Variants in ZNF469 observed in about 807,000 individuals in gnomAD.
The protein encoded by ZNF469 is zinc finger protein 469.
ZNF469 carries 1 observed loss-of-function variant against 1.0 expected under a neutral mutation model. The observed-to-expected ratio is 1.00, with a 90% CI of 0.35 to 4.73. ZNF469 has a LOEUF of 4.73. Among genes scored for constraint, ZNF469 ranks in the 30% most tolerant of loss-of-function variants. ZNF469 has a pLI of 0.16. For synonymous variants in ZNF469, 2,703 were observed against 2,363.4 expected (o/e 1.14, Z -4.17); for missense variants, 6,100 against 5,356.3 (o/e 1.14, Z -4.33).
the ZNF469 span, among the ~76,000 whole-genome samples, chr16:88,225,860 A>G: frequency 6.6e-6 from 1 of 152,220 alleles, no homozygotes; most frequent in Non-Finnish European, 1.5e-5. Context: ...TTTGCAAAGT[A>G]CTTAGTCTCG....
the ZNF469 span, among the ~76,000 whole-genome samples, chr16:88,140,825 T>A: frequency 1.4e-4 from 22 of 152,196 alleles, no homozygotes; most frequent in South Asian, 4.2e-3. Flanking sequence ...CCCTGCTACC[T>A]GGGAGGCTGA....
the ZNF469 span, among the ~76,000 whole-genome samples, chr16:88,127,038 G>T: frequency 1.3e-5 from 2 of 152,190 alleles, no homozygotes. Context: ...GGCCAGGCTG[G>T]TCTCGAACTC....
chr16:88,327,355 C>T, the ZNF469 span, among the ~76,000 whole-genome samples: 1 of 152,240 alleles, frequency 6.6e-6, no homozygotes, highest in African/African-American at 2.4e-5. Context: ...GTGCAGCACC[C>T]CTGCCACCTG....
At chr16:88,422,711 GTGGA>G (rs555175801) in intron 1 of ZNF469, among the ~76,000 whole-genome samples, 37 of 147,126 alleles carry the variant, frequency 2.5e-4, no homozygotes, top group Admixed American at 1.0e-3. Flanking sequence ...ACATGAGTGG[GTGGA>G]TGGATGGATG....
the ZNF469 span, among the ~76,000 whole-genome samples, chr16:88,324,225 G>A: frequency 6.6e-6 from 1 of 152,248 alleles, no homozygotes; most frequent in African/African-American, 2.4e-5. Flanking sequence ...GTCAGTTTCG[G>A]ACCGCCAGCC....
the ZNF469 span, among the ~76,000 whole-genome samples, chr16:88,113,944 G>A: frequency 6.6e-6 from 1 of 152,204 alleles, no homozygotes; most frequent in East Asian, 1.9e-4. Context: ...GCTCCTGCCA[G>A]GGCCGCACTG....
the ZNF469 span, among the ~76,000 whole-genome samples, chr16:88,106,205 G>A: frequency 0.086 from 13,135 of 152,222 alleles, 1,009 homozygotes; most frequent in African/African-American, 0.21. Context: ...CTCCACCCGC[G>A]CCCCCACACC....
intron 1 of ZNF469, among the ~76,000 whole-genome samples, chr16:88,387,202 C>T (rs1904359522): frequency 6.6e-6 from 1 of 152,192 alleles, no homozygotes; most frequent in Admixed American, 6.5e-5. Context: ...TCCATTGCAA[C>T]CCCATCCTGC....
chr16:88,109,758 C>T, the ZNF469 span, among the ~76,000 whole-genome samples: 58 of 149,266 alleles, frequency 3.9e-4, no homozygotes, highest in Admixed American at 1.1e-3. Context: ...CACGCTGTCT[C>T]CTCTCCGGGA....
At chr16:88,128,559 GGT>G in the ZNF469 span, among the ~76,000 whole-genome samples, 1 of 152,178 alleles carries the variant, frequency 6.6e-6, no homozygotes, top group Non-Finnish European at 1.5e-5. Context: ...CCTAAGCAAA[GGT>G]GTGGGCACTC....
the ZNF469 span, among the ~76,000 whole-genome samples, chr16:88,245,907 G>T: frequency 4.6e-3 from 700 of 152,360 alleles, 3 homozygotes; most frequent in African/African-American, 0.016. Context: ...AGGGACTGGG[G>T]CTGGAGCAGT....
the ZNF469 span, among the ~76,000 whole-genome samples, chr16:88,246,920 GGAGT>G: frequency 7.4e-4 from 107 of 144,740 alleles, no homozygotes; most frequent in South Asian, 2.5e-3. Flanking sequence ...AATCAGTGAA[GGAGT>G]GAGTGAGTGA....
the ZNF469 span, among the ~76,000 whole-genome samples, chr16:88,376,364 G>A: frequency 3.9e-5 from 6 of 152,254 alleles, no homozygotes; most frequent in East Asian, 1.9e-4. Flanking sequence ...AGCCGGGCCC[G>A]GTGTGAGGGG....
At chr16:88,319,380 G>A in the ZNF469 span, among the ~76,000 whole-genome samples, 4 of 152,278 alleles carry the variant, frequency 2.6e-5, no homozygotes, top group South Asian at 2.1e-4. Context: ...CTTGGGCGGA[G>A]CCACACAGGA....
In ZNF469 at chr16:88,433,014, G is replaced by A. The variant is rs1271690378; in HGVS notation, c.5544G>A (p.Gly1848=). The A allele has an allele frequency of 6.4e-7, 1 of 1,550,396 alleles. No homozygotes were observed. The highest frequency in any genetic ancestry group is 1.2e-5 in the South Asian group (1 of 84,068). ...GTGGGCACCTCCACCCCACGGCAGG[G>A]AGGCCTGGCTTTGAGGGTAATGAGT... The part of the protein sequence containing the change: ...RAGGHLHPTA[G]RPGFEGNEFA... Residue 1848 remains glycine (G), a synonymous_variant, in exon 3 of 3, where the codon GGG becomes GGA. Transcript: ENST00000565624.
At chr16:88,257,115 A>ATTT in the ZNF469 span, among the ~76,000 whole-genome samples, 2 of 117,056 alleles carry the variant, frequency 1.7e-5, no homozygotes, top group South Asian at 5.8e-4. Flanking sequence ...TACCCCACTA[A>ATTT]TTTTTTTTTT....
chr16:88,349,899 T>TA, the ZNF469 span, among the ~76,000 whole-genome samples: 1 of 9,552 alleles, frequency 1.0e-4, no homozygotes, highest in Non-Finnish European at 2.9e-4. Flanking sequence ...TGCACACACA[T>TA]CACACACAAT....
chr16:88,438,011 A>C lies in ZNF469; in HGVS notation c.10541A>C (p.Glu3514Ala), dbSNP rs1458177059. 6.5e-7 allele frequency: 1 copy of C among 1,549,630 alleles called. No individual in the cohort carries two copies. The highest frequency in any genetic ancestry group is 1.2e-5 in the South Asian group (1 of 84,062). The change falls in exon 3 of 3, where the codon GAG becomes GCG. Residue 3514 changes from glutamate to alanine, a missense_variant. Physicochemically the swap from Glu to Ala is moderately radical, Grantham distance 107. Transcript: ENST00000565624. ...SLPALLHLCS[E>A]VAPSTTKGWP... ...CCGGCCCTGCTCCACCTGTGTTCGG[A>C]GGTGGCTCCCAGCACCACCAAGGGA...
At chr16:88,127,024 T>C in the ZNF469 span, among the ~76,000 whole-genome samples, 1 of 152,226 alleles carries the variant, frequency 6.6e-6, no homozygotes, top group Non-Finnish European at 1.5e-5. Flanking sequence ...TCATTCACCA[T>C]GTTGGCCAGG....
Sources: gnomAD v4.1 joint callset for allele counts (sites outside exome capture counted in the v4.1 genomes callset) on GRCh38, gnomAD v4.1.1 for gene constraint, MANE v1.5 for transcripts, NCBI Gene and HGNC (gene_info 2026-07-23, HGNC 2026-07-21) for gene names.